Variants in AKAP12 observed in about 807,000 individuals in gnomAD.
AKAP12 encodes A-kinase anchoring protein 12.
A neutral mutation model predicts 79.9 loss-of-function variants in AKAP12; 32 were observed. That is an observed-to-expected ratio of 0.40 (90% CI 0.30 to 0.54). AKAP12 has a LOEUF of 0.54. Among genes scored for constraint, AKAP12 ranks in the 20% least tolerant of loss-of-function variants. The probability of loss-of-function intolerance (pLI) is 0.48; values close to 1 mark genes in which losing one functional copy is unlikely to be tolerated. For missense variants in AKAP12, 2,074 were observed against 2,177.0 expected, an observed-to-expected ratio of 0.95 and a Z score of 0.94; for synonymous variants, 808 against 857.0, an observed-to-expected ratio of 0.94 and a Z score of 1.00.
At chr6:151,341,334 G>A (rs1293325184) in intron 3 of AKAP12, among the ~76,000 whole-genome samples, 1 of 152,216 alleles carries the variant, frequency 6.6e-6, no homozygotes, top group East Asian at 1.9e-4. Context: ...GATTACAGGC[G>A]TGAGCCACCG....
chr6:151,264,031 C>T (rs1021870499), intron 2 of AKAP12, among the ~76,000 whole-genome samples: 1 of 152,294 alleles, frequency 6.6e-6, no homozygotes, highest in Admixed American at 6.5e-5. Context: ...TGTCTGTTCT[C>T]ATCCCTGTCA....
Position 151,305,810 on chromosome 6 carries a change from C to T in AKAP12, c.226C>T (p.Leu76Phe), listed in dbSNP as rs551464346. 13 of 1,614,076 alleles carry T rather than the reference C, an allele frequency of 8.1e-6. No individual in the cohort carries two copies. In the South Asian group the frequency reaches 1.2e-4, roughly 15 times the overall value. Reference sequence around the variant, plus strand: ...CGTAGCTGAGCAAGATGAGCTCAGCCTCCAGGAGGGTGACCTAAATGGCCA... The same window carrying T: ...CGTAGCTGAGCAAGATGAGCTCAGCTTCCAGGAGGGTGACCTAAATGGCCA... Reference protein sequence around the residue: ...NGVAEQDELSLQEGDLNGQKG... With the variant: ...NGVAEQDELSFQEGDLNGQKG... The change falls in exon 3 of 5, where the codon CTC (leucine) becomes TTC (phenylalanine). Residue 76 changes from leucine to phenylalanine, a missense_variant. Physicochemically the swap from Leu to Phe is conservative, Grantham distance 22 (BLOSUM62 0). Coordinates refer to ENST00000402676, the MANE Select transcript of AKAP12 (RefSeq NM_005100.4).
rs543060192 is a variant in AKAP12 at position 151,240,408 on chromosome 6, T to A, written c.-155T>A. On this transcript the variant is annotated 5_prime_UTR_variant, in exon 2 of 5. Coordinates refer to ENST00000402676, the MANE Select transcript of AKAP12 (RefSeq NM_005100.4). ...GGAGTTTGCCGCGAGCGCGTCTCCT[T>A]CATTCGCAGGCTGGGCGCGTTCGCA... 53 of 753,574 alleles carry A rather than the reference T, an allele frequency of 7.0e-5. No homozygotes were observed. In the African/African-American group the frequency reaches 9.4e-4, roughly 13 times the overall value. 46.7% of individuals were successfully genotyped at this position (753,574 alleles called of 1,614,324 possible).
At chr6:151,305,098 G>C (rs1582869471) in intron 2 of AKAP12, among the ~76,000 whole-genome samples, 1 of 151,822 alleles carries the variant, frequency 6.6e-6, no homozygotes, top group African/African-American at 2.4e-5. Flanking sequence ...CCTTGCCTGT[G>C]GAAATGAGAT....
chr6:151,299,905 A>G (rs1286875221), intron 2 of AKAP12, among the ~76,000 whole-genome samples: 1 of 152,174 alleles, frequency 6.6e-6, no homozygotes, highest in African/African-American at 2.4e-5. Flanking sequence ...CTGGAATTAT[A>G]GGCATGAGGC....
chr6:151,314,307 A>G (rs113161857), intron 3 of AKAP12, among the ~76,000 whole-genome samples: 29,070 of 152,152 alleles, frequency 0.19, 3,498 homozygotes, highest in East Asian at 0.37. Context: ...GATTACAGGC[A>G]TGAGCCACCG....
chr6:151,295,093 C>T (rs1169528667), intron 2 of AKAP12, among the ~76,000 whole-genome samples: 3 of 152,210 alleles, frequency 2.0e-5, no homozygotes, highest in Non-Finnish European at 4.4e-5. Flanking sequence ...GCAGTATACT[C>T]ATGCTCTCAG....
At chr6:151,314,526 C>T (rs1052066028) in intron 3 of AKAP12, among the ~76,000 whole-genome samples, 2 of 152,064 alleles carry the variant, frequency 1.3e-5, no homozygotes. Flanking sequence ...GAATGACTGG[C>T]GGTCAGGACT....
intron 2 of AKAP12, among the ~76,000 whole-genome samples, chr6:151,288,637 A>G (rs984769071): frequency 3.3e-5 from 5 of 152,214 alleles, no homozygotes; most frequent in Non-Finnish European, 5.9e-5. Flanking sequence ...GAAGTATTTA[A>G]TTAATATTTT....
chr6:151,308,456 G>A (rs574853078), intron 3 of AKAP12, among the ~76,000 whole-genome samples: 6 of 152,026 alleles, frequency 3.9e-5, no homozygotes, highest in South Asian at 2.1e-4. Flanking sequence ...CAAGTGATCC[G>A]CCCGCCTCAG....
chr6:151,247,314 T>A lies in AKAP12; in HGVS notation c.162+6590T>A, dbSNP rs571720696. Among the ~76,000 whole-genome samples, 105 of 152,044 alleles carry A rather than the reference T, an allele frequency of 6.9e-4. 1 individual carries two copies. The highest frequency in any genetic ancestry group is 2.5e-3 in the African/African-American group (102 of 41,478). Reference sequence around the variant, plus strand: ...TACTTGGAAGGCTGAGGTGAGAGGATTGCTTCCACCCAGGAGTATGAGGCT... The same window carrying A: ...TACTTGGAAGGCTGAGGTGAGAGGAATGCTTCCACCCAGGAGTATGAGGCT... On this transcript the variant is annotated intron_variant, in intron 2 of 4. Transcript: ENST00000402676.
intron 3 of AKAP12, chr6:151,341,690 A>G: frequency 8.1e-7 from 1 of 1,237,800 alleles, no homozygotes; most frequent in African/African-American, 1.6e-5. Flanking sequence ...CTCTGCAGTG[A>G]GTAGCACGTG....
chr6:151,267,061 A>C (rs537024880), intron 2 of AKAP12, among the ~76,000 whole-genome samples: 5 of 150,936 alleles, frequency 3.3e-5, no homozygotes, highest in Admixed American at 2.6e-4. Context: ...AAAATCACAA[A>C]GTGTTGGAAT....
At chr6:151,324,349 G>T in intron 3 of AKAP12, 1 of 985,388 alleles carries the variant, frequency 1.0e-6, no homozygotes, top group Non-Finnish European at 1.2e-6. Flanking sequence ...TTGTAACAAG[G>T]TCTGGTTACC....
chr6:151,289,781 G>A (rs1334022053), intron 2 of AKAP12, among the ~76,000 whole-genome samples: 3 of 152,216 alleles, frequency 2.0e-5, no homozygotes, highest in Non-Finnish European at 4.4e-5. Flanking sequence ...ACTGTCACCA[G>A]GTTAACTTTG....
intron 2 of AKAP12, among the ~76,000 whole-genome samples, chr6:151,287,272 T>C (rs1290851949): frequency 6.6e-6 from 1 of 151,698 alleles, no homozygotes; most frequent in African/African-American, 2.4e-5. Flanking sequence ...TTCATTTTAT[T>C]TTTCTGAGAC....
Position 151,314,977 on chromosome 6 carries a change from G to A in AKAP12, c.319+9074G>A, listed in dbSNP as rs965170609. 8.0e-5 allele frequency among the ~76,000 whole-genome samples: 12 copies of A among 149,560 alleles called. No homozygotes were observed. The South Asian group carries it at 1.5e-3, about 19-fold the overall frequency. ...TGAGGCAGGAGAATCGCTTGAACCC[G>A]GTAGGCGAGGGTTGCAATGAGCCGA... On this transcript the variant is annotated intron_variant, in intron 3 of 4. Coordinates refer to ENST00000402676, the MANE Select transcript of AKAP12 (RefSeq NM_005100.4).
chr6:151,254,958 A>C (rs572951876), intron 2 of AKAP12, among the ~76,000 whole-genome samples: 22 of 152,208 alleles, frequency 1.4e-4, no homozygotes, highest in Non-Finnish European at 3.1e-4. Context: ...TTTCTCAAGC[A>C]GTCCCTGTGA....
At chr6:151,321,354 C>A (rs952651852) in intron 3 of AKAP12, among the ~76,000 whole-genome samples, 7 of 152,166 alleles carry the variant, frequency 4.6e-5, no homozygotes, top group African/African-American at 1.7e-4. Flanking sequence ...CCCGCCAAAA[C>A]CCCCAGTCTT....
Sources: allele counts gnomAD v4.1 joint callset (sites outside exome capture counted in the v4.1 genomes callset), GRCh38; gene constraint gnomAD v4.1.1; transcripts MANE v1.5; gene names NCBI Gene and HGNC (gene_info 2026-07-23, HGNC 2026-07-21).